Variants in BPTF observed in about 807,000 individuals in gnomAD.
BPTF encodes the protein bromodomain PHD finger transcription factor, also known as nucleosome-remodeling factor subunit BPTF.
In BPTF, 18 loss-of-function variants were observed where a neutral mutation model predicts 292.5. That is an observed-to-expected ratio of 0.06 (90% CI 0.04 to 0.09). The LOEUF (loss-of-function observed/expected upper bound fraction) is 0.09. Ranked by LOEUF, BPTF falls within the 10% of genes least tolerant of loss-of-function variation. BPTF has a pLI of 1.00. For synonymous variants in BPTF, 1,225 were observed against 1,251.9 expected, an observed-to-expected ratio of 0.98 and a Z score of 0.45; for missense variants, 2,726 against 3,498.7, an observed-to-expected ratio of 0.78 and a Z score of 5.57.
At chr17:67,981,538 C>A in intron 27 of BPTF, 1 of 1,097,112 alleles carries the variant, frequency 9.1e-7, no homozygotes. Flanking sequence ...CAAAATTGCC[C>A]CCCAAAAAGT....
At chr17:67,940,415 C>T (rs1555671322) in intron 18 of BPTF, 24 bp from the exon 19 acceptor site, 1 of 1,603,188 alleles carries the variant, frequency 6.2e-7, no homozygotes, top group African/African-American at 1.3e-5. Flanking sequence ...TATAAGCATT[C>T]ATAATGTTTT....
chr17:67,892,835 A>T (rs934005911), intron 5 of BPTF, among the ~76,000 whole-genome samples: 21 of 152,318 alleles, frequency 1.4e-4, no homozygotes, highest in Admixed American at 3.9e-4. Context: ...TTTATTTTTT[A>T]AAAAAGCTGA....
At chr17:67,974,602 C>T (rs2069172953) in intron 26 of BPTF, 1 of 152,242 alleles carries the variant, frequency 6.6e-6, no homozygotes, top group Non-Finnish European at 1.5e-5. Context: ...TCAGGGTTCC[C>T]ACAAACCTCT....
chr17:67,918,414 A>G (rs1312579579), intron 11 of BPTF, among the ~76,000 whole-genome samples: 1 of 152,176 alleles, frequency 6.6e-6, no homozygotes, highest in East Asian at 1.9e-4. Flanking sequence ...TAAAGTCTTC[A>G]TGAATTTTTG....
chr17:67,916,729 G>C (rs1473969071), intron 11 of BPTF, among the ~76,000 whole-genome samples: 1 of 141,212 alleles, frequency 7.1e-6, no homozygotes, highest in Non-Finnish European at 1.5e-5. Context: ...TTGCTCCACT[G>C]CACTCCAGCC....
rs992036013 is a variant in BPTF at position 67,894,272 on chromosome 17, T to G, written c.2543+107T>G. ...TATTTAAGAGGCCATATTGAAGACT[T>G]TACTTTTGGCCTCATTTTCTTCCTA... is the stretch of plus-strand genomic sequence containing the variant. On this transcript the variant is annotated intron_variant, in intron 7 of 27. Coordinates refer to ENST00000306378, the MANE Select transcript of BPTF (RefSeq NM_182641.4). 77 of 1,188,080 alleles carry G rather than the reference T, an allele frequency of 6.5e-5. No individual in the cohort carries two copies. The African/African-American group carries it at 1.1e-3, about 17-fold the overall frequency. The allele number at this position is 1,188,080 out of a possible 1,614,324, so 73.6% of individuals were successfully genotyped here.
chr17:67,905,710 T>TAA (rs1007580615), intron 9 of BPTF, among the ~76,000 whole-genome samples: 1 of 147,960 alleles, frequency 6.8e-6, no homozygotes, highest in Non-Finnish European at 1.5e-5. Context: ...CTCAATCTCT[T>TAA]AAAAAAAAAA....
chr17:67,900,063 A>G (rs996326040), intron 7 of BPTF, among the ~76,000 whole-genome samples: 1 of 152,114 alleles, frequency 6.6e-6, no homozygotes, highest in African/African-American at 2.4e-5. Flanking sequence ...CAACAACAAC[A>G]AAAACCTCCA....
intron 1 of BPTF, among the ~76,000 whole-genome samples, chr17:67,842,640 C>T (rs777817589): frequency 9.9e-5 from 15 of 152,036 alleles, no homozygotes; most frequent in Non-Finnish European, 2.2e-4. Context: ...ATGACAAAGG[C>T]TGTGGTCCAC....
At chr17:67,959,307 TTGAAGA>T (rs1311707248) in intron 23 of BPTF, among the ~76,000 whole-genome samples, 3 of 152,242 alleles carry the variant, frequency 2.0e-5, no homozygotes, top group Non-Finnish European at 4.4e-5. Flanking sequence ...CAGCTCTCCT[TTGAAGA>T]TAACTAGCAG....
In BPTF at chr17:67,865,198, G is replaced by A. The variant is rs144178427; in HGVS notation, c.1437-1266G>A. On this transcript the variant is annotated intron_variant, in intron 2 of 27. Transcript: ENST00000306378. ...CACTCAAAAACTTTTGGATCTTGGA[G>A]CATTTTGGATTTCAGATTTTCGGAT... Among the ~76,000 whole-genome samples the A allele has an allele frequency of 2.1e-3, 315 of 152,262 alleles. 1 individual carries two copies. Among genetic ancestry groups the A allele is most frequent in the African/African-American group, 7.2e-3 (299 of 41,550 alleles).
rs1555674329 is a variant in BPTF at position 67,945,585 on chromosome 17, G to A, written c.6877G>A (p.Val2293Ile). Residue 2293 changes from valine (V) to isoleucine (I), a missense_variant, in exon 21 of 28, where the codon GTT becomes ATT. Coordinates refer to ENST00000306378, the MANE Select transcript of BPTF (RefSeq NM_182641.4). ...GCCCCAGTCCCCAGCTCAGCCTGAAGTTCAGACTCAGCCTGAAGTTCAGAC... is the reference window on the plus strand; with the variant it reads ...GCCCCAGTCCCCAGCTCAGCCTGAAATTCAGACTCAGCCTGAAGTTCAGAC... ...TQPQSPAQPE[V>I]QTQPEVQTQT... 1 of 1,611,552 alleles carries A rather than the reference G, an allele frequency of 6.2e-7. No individual in the cohort carries two copies. Among genetic ancestry groups the A allele is most frequent in the Non-Finnish European group, 8.5e-7 (1 of 1,178,894 alleles).
At chr17:67,935,790 G>A (rs1386806911) in intron 18 of BPTF, among the ~76,000 whole-genome samples, 1 of 152,156 alleles carries the variant, frequency 6.6e-6, no homozygotes, top group Non-Finnish European at 1.5e-5. Context: ...TAGAGGCAGA[G>A]GTTTCAGTGA....
At chr17:67,934,292 C>T (rs1051451084) in intron 18 of BPTF, among the ~76,000 whole-genome samples, 2 of 151,866 alleles carry the variant, frequency 1.3e-5, no homozygotes, top group African/African-American at 2.4e-5. Context: ...CCAAGATGGG[C>T]AGATCACCTG....
At position 67,871,237 on chromosome 17, in the gene BPTF, A is replaced by G. The variant is rs576615854; in HGVS notation, c.1661-3580A>G. On this transcript the variant is annotated intron_variant, in intron 3 of 27. Transcript: ENST00000306378. ...TGTACACAAAAGTTGAAAGAATTAT[A>G]CAGTTACCAGCCTGATCAACATGGC... Among the ~76,000 whole-genome samples, 4 of 152,158 alleles carry G rather than the reference A, an allele frequency of 2.6e-5. No homozygotes were observed. In the East Asian group the frequency reaches 5.8e-4, roughly 22 times the overall value.
chr17:67,975,615 T>C (rs2069315954), intron 26 of BPTF, 157 bp from the exon 27 acceptor site: 1 of 560,708 alleles, frequency 1.8e-6, no homozygotes, highest in African/African-American at 1.9e-5. Flanking sequence ...AAGTACTCTT[T>C]TGTTCTTTAT....
At chr17:67,981,188 A>G (rs551640092) in intron 27 of BPTF, among the ~76,000 whole-genome samples, 2 of 152,280 alleles carry the variant, frequency 1.3e-5, no homozygotes, top group East Asian at 1.9e-4. Context: ...CAAAATTACA[A>G]TGTAAAGAGT....
chr17:67,850,623 TC>T (rs1249806677), intron 1 of BPTF, among the ~76,000 whole-genome samples: 2 of 152,200 alleles, frequency 1.3e-5, no homozygotes, highest in Non-Finnish European at 2.9e-5. Flanking sequence ...CACCTTGGAC[TC>T]CCAAAGTGCT....
intron 1 of BPTF, among the ~76,000 whole-genome samples, chr17:67,842,817 CAAAAAAAAAA>C (rs60085248): frequency 2.1e-4 from 10 of 47,804 alleles, no homozygotes; most frequent in African/African-American, 4.6e-4. Flanking sequence ...CAATTAAGGC[CAAAAAAAAAA>C]AAAAAAAAAA....
Sources: allele counts gnomAD v4.1 joint callset (sites outside exome capture counted in the v4.1 genomes callset), GRCh38; gene constraint gnomAD v4.1.1; transcripts MANE v1.5; gene names NCBI Gene and HGNC (gene_info 2026-07-23, HGNC 2026-07-21).